LRCH3: variants seen among roughly 807,000 people sequenced by gnomAD.
LRCH3 encodes leucine rich repeats and calponin homology domain containing 3.
Under a neutral mutation model 104.5 loss-of-function variants are expected in LRCH3, and 68 were observed. That is an observed-to-expected ratio of 0.65 (90% CI 0.54 to 0.80). LRCH3 has a LOEUF of 0.80. LRCH3 is among the 30% of genes least tolerant of loss of function. LRCH3 has a pLI of 0.00. For missense variants in LRCH3, 951 were observed against 953.9 expected (o/e 1.00, Z 0.04); for synonymous variants, 344 against 361.3 (o/e 0.95, Z 0.54).
intron 3 of LRCH3, among the ~76,000 whole-genome samples, chr3:197,818,923 C>T (rs1321349886): frequency 1.3e-5 from 2 of 151,914 alleles, no homozygotes; most frequent in Non-Finnish European, 2.9e-5. Flanking sequence ...GTCAGGAGTT[C>T]GAGACCAGCC....
At chr3:197,808,901 G>GT (rs1732799999) in intron 1 of LRCH3, among the ~76,000 whole-genome samples, 1 of 150,732 alleles carries the variant, frequency 6.6e-6, no homozygotes, top group South Asian at 2.1e-4. Context: ...GACTGTCTCA[G>GT]AAAAAAAAAG....
chr3:197,804,484 G>C (rs1169163911), intron 1 of LRCH3, among the ~76,000 whole-genome samples: 1 of 152,194 alleles, frequency 6.6e-6, no homozygotes, highest in Non-Finnish European at 1.5e-5. Flanking sequence ...ATCCCAGTAG[G>C]TATGGTAAGG....
intron 19 of LRCH3, among the ~76,000 whole-genome samples, chr3:197,875,057 A>G (rs145359300): frequency 0.11 from 16,642 of 151,604 alleles, 960 homozygotes; most frequent in African/African-American, 0.13. Flanking sequence ...CAGCCTCCCG[A>G]GTAGCTGGGA....
rs201491357 is a variant in LRCH3, at chr3:197,820,458, G to T, written c.640+28G>T. The T allele has an allele frequency of 2.7e-4, 371 of 1,352,694 alleles. No homozygotes were observed. The African/African-American group carries it at 4.8e-3, about 18-fold the overall frequency. 83.8% of individuals were successfully genotyped at this position (1,352,694 alleles called of 1,614,324 possible). On this transcript the variant is annotated intron_variant, in intron 4 of 20. Coordinates refer to ENST00000425562, the MANE Select transcript of LRCH3 (RefSeq NM_001365715.1). ...AAGAAACTATGAAATAAGAAACCAT[G>T]AAATAATTGTTTTATTATTTTAAAG...
At chr3:197,813,242 A>G (rs1034543224) in intron 1 of LRCH3, among the ~76,000 whole-genome samples, 2 of 152,194 alleles carry the variant, frequency 1.3e-5, no homozygotes, top group Non-Finnish European at 2.9e-5. Context: ...CAATCCATTT[A>G]TACTCTTTTA....
At chr3:197,798,820 C>T (rs951654371) in intron 1 of LRCH3, among the ~76,000 whole-genome samples, 4 of 152,136 alleles carry the variant, frequency 2.6e-5, no homozygotes, top group Non-Finnish European at 5.9e-5. Context: ...AGCAACTAGC[C>T]GTAAGTGGTT....
intron 15 of LRCH3, among the ~76,000 whole-genome samples, chr3:197,865,017 G>A (rs1028215959): frequency 5.5e-4 from 83 of 151,996 alleles, no homozygotes; most frequent in Non-Finnish European, 1.1e-3. Flanking sequence ...GAGAGAGAGA[G>A]GGAGAGAGAG....
chr3:197,791,631 A>C lies in LRCH3; in HGVS notation c.262+91A>C, dbSNP rs1730520978. 2.2e-6 allele frequency: 3 copies of C among 1,390,308 alleles called. No homozygotes were observed. In the African/African-American group the frequency reaches 4.6e-5, roughly 22 times the overall value. The allele number at this position is 1,390,308 out of a possible 1,614,324, so 86.1% of individuals were successfully genotyped here. On this transcript the variant is annotated intron_variant, in intron 1 of 20. Transcript: ENST00000425562. ...GAGGCGGATGCGGGGGAGTTACAGC[A>C]GCTCGTCCCGTAGGCGCCGGGTCCG...
At chr3:197,835,647 G>A (rs770440334) in intron 8 of LRCH3, 27 bp from the exon 9 acceptor site, 4 of 1,593,806 alleles carry the variant, frequency 2.5e-6, no homozygotes, top group South Asian at 2.2e-5. Context: ...GTGTGTGTGT[G>A]TGTGGGTGTG....
intron 18 of LRCH3, among the ~76,000 whole-genome samples, chr3:197,870,795 A>G (rs1712084651): frequency 6.6e-6 from 1 of 152,038 alleles, no homozygotes; most frequent in Admixed American, 6.6e-5. Context: ...AACAGATTAA[A>G]TGAGTGCCCA....
intron 4 of LRCH3, chr3:197,823,353 G>C (rs1734726827): frequency 6.6e-6 from 1 of 151,992 alleles, no homozygotes; most frequent in African/African-American, 2.4e-5. Context: ...GCCTGCCTCA[G>C]CCTCCCAAAA....
At chr3:197,821,020 C>A (rs549731959) in intron 4 of LRCH3, among the ~76,000 whole-genome samples, 2 of 152,006 alleles carry the variant, frequency 1.3e-5, no homozygotes, top group Admixed American at 1.3e-4. Context: ...TCTTGTCAAC[C>A]GATGTAATTA....
chr3:197,799,767 G>A (rs908463337), intron 1 of LRCH3, among the ~76,000 whole-genome samples: 6 of 152,120 alleles, frequency 3.9e-5, no homozygotes, highest in African/African-American at 1.4e-4. Flanking sequence ...TCAGCTACTC[G>A]GGAGGCTGAG....
chr3:197,886,193 A>AC lies in LRCH3; in HGVS notation c.*2527_*2528insC, dbSNP rs1287500142. On this transcript the variant is annotated 3_prime_UTR_variant, in exon 21 of 21. Coordinates refer to ENST00000425562, the MANE Select transcript of LRCH3 (RefSeq NM_001365715.1). ...GTCTCCCAAAAATTAAAAAAAAAAA[A>AC]AAAAAACCAGGTGTGGTGGCACCTG... is the stretch of plus-strand genomic sequence containing the variant. 2.0e-5 allele frequency: 3 copies of AC among 151,608 alleles called. No homozygotes were observed. The highest frequency in any genetic ancestry group is 7.3e-5 in the African/African-American group (3 of 41,186). 9.4% of individuals were successfully genotyped at this position (151,608 alleles called of 1,614,324 possible).
At chr3:197,865,757 A>C (rs1049381346) in intron 16 of LRCH3, among the ~76,000 whole-genome samples, 8 of 149,530 alleles carry the variant, frequency 5.4e-5, no homozygotes, top group Non-Finnish European at 1.2e-4. Context: ...ACAGAATTGG[A>C]AACCACTGGG....
intron 1 of LRCH3, among the ~76,000 whole-genome samples, chr3:197,809,157 G>A (rs1330793715): frequency 6.6e-6 from 1 of 151,930 alleles, no homozygotes; most frequent in Non-Finnish European, 1.5e-5. Flanking sequence ...AATTAGTCAG[G>A]AGTGGTGGTG....
At position 197,871,421 on chromosome 3, in the gene LRCH3, C is replaced by T; in HGVS notation, c.2089C>T (p.Pro697Ser). The change falls in exon 19 of 21, where the codon CCT becomes TCT. Residue 697 changes from proline to serine, a missense_variant. Pro to Ser is a moderately conservative substitution (Grantham distance 74). Transcript: ENST00000425562. ...TTGCCATTTGGCCAATCATGTGCGA[C>T]CTCGATCTGTCCCAAGCATTCATGT... ...VLCHLANHVR[P>S]RSVPSIHVPS... 1 of 1,614,058 alleles carries T rather than the reference C, an allele frequency of 6.2e-7. No individual in the cohort carries two copies. The highest frequency in any genetic ancestry group is 1.1e-5 in the South Asian group (1 of 91,076).
chr3:197,838,574 A>G (rs1027648442), intron 9 of LRCH3, among the ~76,000 whole-genome samples: 1 of 152,232 alleles, frequency 6.6e-6, no homozygotes, highest in Non-Finnish European at 1.5e-5. Flanking sequence ...GTGTTGAAAC[A>G]AGATTGTATT....
chr3:197,833,151 G>C (rs1291881431), intron 8 of LRCH3, among the ~76,000 whole-genome samples: 1 of 151,888 alleles, frequency 6.6e-6, no homozygotes, highest in African/African-American at 2.4e-5. Context: ...GTTTATTTAA[G>C]ACTTAAAATA....
Sources: allele counts gnomAD v4.1 joint callset (sites outside exome capture counted in the v4.1 genomes callset), GRCh38; gene constraint gnomAD v4.1.1; transcripts MANE v1.5; gene names NCBI Gene and HGNC (gene_info 2026-07-23, HGNC 2026-07-21).